The following DLGAP2 variants were observed in gnomAD, a reference collection of about 807,000 sequenced individuals.
DLGAP2 encodes the protein disks large-associated protein 2.
DLGAP2 carries 26 observed loss-of-function variants against 100.3 expected under a neutral mutation model. The ratio of observed to expected loss-of-function variants is 0.26; its 90% CI spans 0.19 to 0.36. The LOEUF is 0.36. Ranked by LOEUF, DLGAP2 falls within the 10% of genes least tolerant of loss-of-function variation. DLGAP2 has a pLI of 1.00. For missense variants in DLGAP2, 1,858 were observed against 1,453.2 expected, an observed-to-expected ratio of 1.28 and a Z score of -4.53; for synonymous variants, 886 against 630.1, an observed-to-expected ratio of 1.41 and a Z score of -6.08.
chr8:1,556,754 C>G (rs937010075), intron 5 of DLGAP2, among the ~76,000 whole-genome samples: 1 of 152,142 alleles, frequency 6.6e-6, no homozygotes, highest in Non-Finnish European at 1.5e-5. Flanking sequence ...CTAACTCTGA[C>G]TTGGTTTCAG....
chr8:804,385 C>G (rs1221611076), intron 1 of DLGAP2, among the ~76,000 whole-genome samples: 1 of 152,152 alleles, frequency 6.6e-6, no homozygotes, highest in African/African-American at 2.4e-5. Context: ...CACACATATC[C>G]CGGCCCTCCT....
intron 3 of DLGAP2, among the ~76,000 whole-genome samples, chr8:1,433,109 G>C (rs73172538): frequency 6.6e-6 from 1 of 152,086 alleles, no homozygotes; most frequent in African/African-American, 2.4e-5. Context: ...CACGTCCCCA[G>C]TGTGTGGGTG....
At chr8:1,291,859 C>G (rs1005238872) in intron 3 of DLGAP2, among the ~76,000 whole-genome samples, 5 of 152,288 alleles carry the variant, frequency 3.3e-5, no homozygotes, top group South Asian at 2.1e-4. Flanking sequence ...ATGGCTTAGT[C>G]TAATCACCCA....
At chr8:1,156,629 C>CAGCGCCCCAGCT (rs1563220035) in intron 2 of DLGAP2, among the ~76,000 whole-genome samples, 2 of 21,700 alleles carry the variant, frequency 9.2e-5, no homozygotes, top group African/African-American at 1.7e-4. Context: ...GCGCCCCAGC[C>CAGCGCCCCAGCT]CAGCGCCCCG....
intron 1 of DLGAP2, among the ~76,000 whole-genome samples, chr8:906,942 T>C (rs1798393434): frequency 6.6e-6 from 1 of 152,212 alleles, no homozygotes; most frequent in African/African-American, 2.4e-5. Context: ...CTTTTTTCAA[T>C]ATAGAAGAAT....
intron 2 of DLGAP2, among the ~76,000 whole-genome samples, chr8:968,323 G>C (rs1286281086): frequency 6.6e-6 from 1 of 152,152 alleles, no homozygotes; most frequent in Non-Finnish European, 1.5e-5. Context: ...AATTCTCTGA[G>C]AACCTTTCAT....
chr8:814,522 A>G (rs1200469353), intron 1 of DLGAP2, among the ~76,000 whole-genome samples: 2 of 152,200 alleles, frequency 1.3e-5, no homozygotes, highest in East Asian at 3.8e-4. Flanking sequence ...TTCGGATCCC[A>G]TAAACCAATA....
At chr8:1,363,415 G>A (rs1031933609) in intron 3 of DLGAP2, among the ~76,000 whole-genome samples, 7 of 152,180 alleles carry the variant, frequency 4.6e-5, no homozygotes, top group South Asian at 2.1e-4. Flanking sequence ...CACGTCGCAG[G>A]TCAGGAGGAC....
intron 1 of DLGAP2, chr8:738,443 C>G (rs1285013178): frequency 1.3e-5 from 2 of 152,362 alleles, no homozygotes; most frequent in South Asian, 4.2e-4. Flanking sequence ...GGCCGCCGCC[C>G]GGCTCTCCAA....
intron 2 of DLGAP2, among the ~76,000 whole-genome samples, chr8:1,112,162 A>T (rs749219241): frequency 4.1e-4 from 61 of 150,340 alleles, no homozygotes; most frequent in Non-Finnish European, 6.5e-4. Flanking sequence ...ATGATAAATG[A>T]TATTTAAGTT....
At chr8:960,233 A>ATTTTTTTTTTTTTTTTTTTTTTTTTTTT (rs1228650565) in intron 2 of DLGAP2, among the ~76,000 whole-genome samples, 1 of 8,304 alleles carries the variant, frequency 1.2e-4, no homozygotes, top group African/African-American at 4.1e-4. Flanking sequence ...TTCCTGAAGT[A>ATTTTTTTTTTTTTTTTTTTTTTTTTTTT]TATCTTTTTT....
chr8:1,283,211 C>T, intron 3 of DLGAP2, among the ~76,000 whole-genome samples: 1 of 149,888 alleles, frequency 6.7e-6, no homozygotes, highest in South Asian at 2.1e-4. Flanking sequence ...GTGGTGTGAC[C>T]TGAACCCAGC....
chr8:1,137,251 A>T (rs1796435221), intron 2 of DLGAP2: 1 of 152,434 alleles, frequency 6.6e-6, no homozygotes, highest in Non-Finnish European at 1.5e-5. Flanking sequence ...GTCCTATTGA[A>T]TTAGGGTTCA....
At chr8:956,402 G>C (rs770516468) in intron 2 of DLGAP2, among the ~76,000 whole-genome samples, 3 of 152,140 alleles carry the variant, frequency 2.0e-5, no homozygotes, top group Non-Finnish European at 4.4e-5. Flanking sequence ...GTGAGTGTGT[G>C]GGGGTGGCTG....
intron 3 of DLGAP2, among the ~76,000 whole-genome samples, chr8:1,322,583 T>G (rs1800929613): frequency 6.6e-6 from 1 of 152,236 alleles, no homozygotes; most frequent in Non-Finnish European, 1.5e-5. Flanking sequence ...TATTGTTCCA[T>G]GGAAATGTGT....
At chr8:1,529,628 T>C (rs1017326197) in intron 4 of DLGAP2, among the ~76,000 whole-genome samples, 4 of 152,202 alleles carry the variant, frequency 2.6e-5, no homozygotes, top group Admixed American at 1.3e-4. Context: ...TCCAGACAAC[T>C]GCTGATATGG....
chr8:1,552,999 C>T (rs368895849), intron 5 of DLGAP2, among the ~76,000 whole-genome samples: 5 of 152,306 alleles, frequency 3.3e-5, no homozygotes, highest in African/African-American at 7.2e-5. Context: ...ACGGATTCGC[C>T]GTGGCTTAGC....
chr8:1,301,659 G>A (rs1021296435), intron 3 of DLGAP2: 2 of 152,268 alleles, frequency 1.3e-5, no homozygotes, highest in African/African-American at 4.8e-5. Context: ...TAAGCTTCAC[G>A]TTTTACAAAT....
At chr8:1,294,730 G>A (rs957251626) in intron 3 of DLGAP2, among the ~76,000 whole-genome samples, 2 of 152,170 alleles carry the variant, frequency 1.3e-5, no homozygotes, top group Admixed American at 6.5e-5. Flanking sequence ...TTGGCTGGGT[G>A]TGGTGGTGCA....
Sources: allele counts gnomAD v4.1 joint callset (sites outside exome capture counted in the v4.1 genomes callset), GRCh38; gene constraint gnomAD v4.1.1; transcripts MANE v1.5; gene names NCBI Gene and HGNC (gene_info 2026-07-23, HGNC 2026-07-21).